The following TLN2 variants were observed in gnomAD, a reference collection of about 807,000 sequenced individuals.
TLN2 encodes the protein talin 2, also known as talin-2.
A neutral mutation model predicts 294.7 loss-of-function variants in TLN2; 118 were observed. The observed-to-expected ratio is 0.40, with a 90% confidence interval of 0.34 to 0.47. The LOEUF (loss-of-function observed/expected upper bound fraction) is 0.47, where lower values mean the gene tolerates loss of function less well. Ranked by LOEUF, TLN2 falls within the 20% of genes least tolerant of loss-of-function variation. The pLI, the probability that TLN2 is intolerant of heterozygous loss-of-function variation, is 0.84. For synonymous variants in TLN2, 1,431 were observed against 1,304.5 expected (o/e 1.10, Z -2.09); for missense variants, 3,083 against 3,282.2 (o/e 0.94, Z 1.48).
At chr15:62,590,451 A>G (rs537084921) in intron 2 of TLN2, among the ~76,000 whole-genome samples, 1 of 152,290 alleles carries the variant, frequency 6.6e-6, no homozygotes, top group Admixed American at 6.5e-5. Flanking sequence ...GTTTACTGAG[A>G]ATAATGGCCT....
chr15:62,431,085 G>A (rs2034986970), intron 1 of TLN2, among the ~76,000 whole-genome samples: 1 of 152,090 alleles, frequency 6.6e-6, no homozygotes, highest in Non-Finnish European at 1.5e-5. Context: ...TGAGCTCCAG[G>A]CCCACTGAGT....
At chr15:62,592,235 G>A (rs923606347) in intron 2 of TLN2, among the ~76,000 whole-genome samples, 3 of 152,194 alleles carry the variant, frequency 2.0e-5, no homozygotes, top group Admixed American at 6.5e-5. Context: ...AGAGTCCTGA[G>A]AAGTTATGTG....
intron 1 of TLN2, among the ~76,000 whole-genome samples, chr15:62,576,300 G>A (rs1328599394): frequency 1.3e-5 from 2 of 151,934 alleles, no homozygotes; most frequent in Admixed American, 6.6e-5. Context: ...AAATAAAGCT[G>A]TATTCAAATA....
At chr15:62,657,955 G>A (rs74652258) in intron 9 of TLN2, 57 bp downstream of exon 9, 1 of 1,529,216 alleles carries the variant, frequency 6.5e-7, no homozygotes, top group South Asian at 1.3e-5. Context: ...TTCTCTTTCA[G>A]CTTTTTATTT....
At chr15:62,492,480 C>T (rs886554472) in intron 1 of TLN2, among the ~76,000 whole-genome samples, 3 of 144,988 alleles carry the variant, frequency 2.1e-5, no homozygotes, top group Non-Finnish European at 4.5e-5. Flanking sequence ...TGCCTGAATC[C>T]GGGAGGCAGA....
intron 1 of TLN2, among the ~76,000 whole-genome samples, chr15:62,470,293 C>T (rs552073767): frequency 4.5e-4 from 68 of 152,332 alleles, no homozygotes; most frequent in African/African-American, 1.5e-3. Flanking sequence ...TTAACCCAGA[C>T]AGTCAACCGA....
intron 1 of TLN2, among the ~76,000 whole-genome samples, chr15:62,546,267 A>G (rs1190413748): frequency 2.0e-5 from 3 of 151,972 alleles, no homozygotes; most frequent in Non-Finnish European, 2.9e-5. Flanking sequence ...CTTGCTGGAG[A>G]TTTTCCTTTA....
chr15:62,832,198 A>G (rs1351699564), intron 54 of TLN2: 1 of 150,562 alleles, frequency 6.6e-6, no homozygotes, highest in Non-Finnish European at 1.5e-5. Flanking sequence ...TTAAAAATCT[A>G]CTACTGTTGG....
At chr15:62,430,034 T>A (rs910458610) in intron 1 of TLN2, among the ~76,000 whole-genome samples, 2 of 152,256 alleles carry the variant, frequency 1.3e-5, no homozygotes, top group East Asian at 3.8e-4. Flanking sequence ...TTTAGTGATA[T>A]TCCTAAACTA....
At chr15:62,441,954 C>T (rs750022727) in intron 1 of TLN2, among the ~76,000 whole-genome samples, 4 of 152,142 alleles carry the variant, frequency 2.6e-5, no homozygotes, top group Non-Finnish European at 4.4e-5. Flanking sequence ...TTCTATCTGG[C>T]TGTCCATCTT....
At chr15:62,765,637 G>C (rs2062952165) in intron 40 of TLN2, among the ~76,000 whole-genome samples, 1 of 152,110 alleles carries the variant, frequency 6.6e-6, no homozygotes, top group African/African-American at 2.4e-5. Flanking sequence ...CTCCACCTTT[G>C]AATCCCCCAT....
At chr15:62,690,853 A>C (rs1176105846) in intron 12 of TLN2, among the ~76,000 whole-genome samples, 1 of 151,686 alleles carries the variant, frequency 6.6e-6, no homozygotes, top group East Asian at 1.9e-4. Context: ...TCCACCAAAA[A>C]AAATACGAAA....
At chr15:62,833,222 G>A (rs2069064840) in intron 54 of TLN2, 1 of 362,316 alleles carries the variant, frequency 2.8e-6, no homozygotes, top group East Asian at 5.2e-5. Flanking sequence ...GAAAACTATT[G>A]CTGTGCCTGG....
At chr15:62,692,146 G>T (rs368801928) in intron 12 of TLN2, among the ~76,000 whole-genome samples, 2 of 152,174 alleles carry the variant, frequency 1.3e-5, no homozygotes, top group South Asian at 4.1e-4. Flanking sequence ...TGACACTAAG[G>T]TTCCTGCTCA....
At chr15:62,700,346 A>G (rs931235696) in intron 16 of TLN2, among the ~76,000 whole-genome samples, 39 of 152,252 alleles carry the variant, frequency 2.6e-4, no homozygotes. Context: ...CATTATCAAG[A>G]TAAATGATCA....
At chr15:62,498,532 C>T (rs1311233081) in intron 1 of TLN2, among the ~76,000 whole-genome samples, 1 of 152,048 alleles carries the variant, frequency 6.6e-6, no homozygotes, top group Non-Finnish European at 1.5e-5. Flanking sequence ...AAGTGAGGGG[C>T]TGCTGGACAG....
At chr15:62,544,818 G>T (rs927336755) in intron 1 of TLN2, among the ~76,000 whole-genome samples, 6 of 151,198 alleles carry the variant, frequency 4.0e-5, no homozygotes, top group Non-Finnish European at 7.4e-5. Flanking sequence ...AAGAGATGGT[G>T]TCAGGATTAG....
At chr15:62,787,703 T>C (rs1440977413) in intron 45 of TLN2, among the ~76,000 whole-genome samples, 1 of 145,000 alleles carries the variant, frequency 6.9e-6, no homozygotes, top group Non-Finnish European at 1.5e-5. Flanking sequence ...CTTTTTTTTT[T>C]TTTTTTTTTT....
chr15:62,730,577 A>C (rs2060668530), intron 28 of TLN2, among the ~76,000 whole-genome samples: 1 of 152,144 alleles, frequency 6.6e-6, no homozygotes, highest in African/African-American at 2.4e-5. Context: ...GGTTTGTCTA[A>C]AGATGCTTTT....
Sources: gnomAD v4.1 joint callset for allele counts (sites outside exome capture counted in the v4.1 genomes callset) on GRCh38, gnomAD v4.1.1 for gene constraint, MANE v1.5 for transcripts, NCBI Gene and HGNC (gene_info 2026-07-23, HGNC 2026-07-21) for gene names.